The following PDZRN3 variants were observed in gnomAD, a reference collection of about 807,000 sequenced individuals.
The protein encoded by PDZRN3 is PDZ domain containing ring finger 3.
PDZRN3 carries 38 observed loss-of-function variants against 85.7 expected under a neutral mutation model. The observed-to-expected ratio is 0.44, with a 90% CI of 0.34 to 0.58. The LOEUF is 0.58. Among genes scored for constraint, PDZRN3 ranks in the 20% least tolerant of loss-of-function variants. The pLI is 0.01. For synonymous variants in PDZRN3, 759 were observed against 638.0 expected (o/e 1.19, Z -2.86); for missense variants, 1,629 against 1,506.4 (o/e 1.08, Z -1.35).
At chr3:73,390,876 C>G (rs960622330) in intron 6 of PDZRN3, 142 bp downstream of exon 6, 2 of 614,512 alleles carry the variant, frequency 3.3e-6, no homozygotes, top group Non-Finnish European at 5.8e-6. Flanking sequence ...GATGCAGCGC[C>G]ATGGAGTGTG....
At chr3:73,475,069 G>A (rs1293613376) in intron 3 of PDZRN3, among the ~76,000 whole-genome samples, 1 of 152,016 alleles carries the variant, frequency 6.6e-6, no homozygotes, top group African/African-American at 2.4e-5. Context: ...GAGTATCCAA[G>A]CATCTTCTTT....
chr3:73,444,295 G>A (rs1395733767), intron 3 of PDZRN3, among the ~76,000 whole-genome samples: 1 of 152,124 alleles, frequency 6.6e-6, no homozygotes, highest in African/African-American at 2.4e-5. Flanking sequence ...TAGCTCCCAG[G>A]TGCTCTGCCA....
chr3:73,506,512 C>T (rs1248149482), intron 3 of PDZRN3, among the ~76,000 whole-genome samples: 1 of 152,024 alleles, frequency 6.6e-6, no homozygotes, highest in African/African-American at 2.4e-5. Flanking sequence ...AAAATTCAAT[C>T]CAACTAGATA....
At chr3:73,487,798 C>A (rs930741145) in intron 3 of PDZRN3, among the ~76,000 whole-genome samples, 1 of 152,206 alleles carries the variant, frequency 6.6e-6, no homozygotes, top group African/African-American at 2.4e-5. Context: ...ACCTTTCCAG[C>A]AATTTCTTGC....
intron 3 of PDZRN3, among the ~76,000 whole-genome samples, chr3:73,593,094 T>TAA: frequency 6.8e-6 from 1 of 146,278 alleles, no homozygotes; most frequent in East Asian, 2.0e-4. Flanking sequence ...AAAACTTCCT[T>TAA]AAAAAAAAAA....
intron 3 of PDZRN3, among the ~76,000 whole-genome samples, chr3:73,515,075 T>C (rs1704232605): frequency 6.6e-6 from 1 of 151,680 alleles, no homozygotes; most frequent in South Asian, 2.1e-4. Context: ...GATTCATTGG[T>C]GGTATAGAAA....
intron 3 of PDZRN3, among the ~76,000 whole-genome samples, chr3:73,428,647 T>C (rs577847567): frequency 6.6e-6 from 1 of 152,278 alleles, no homozygotes; most frequent in South Asian, 2.1e-4. Flanking sequence ...TCCTTTATGG[T>C]CCTCTAAAGC....
chr3:73,407,657 G>A (rs1016952552), intron 3 of PDZRN3, among the ~76,000 whole-genome samples: 1 of 152,098 alleles, frequency 6.6e-6, no homozygotes, highest in Non-Finnish European at 1.5e-5. Flanking sequence ...TTATAGCAAG[G>A]TGATGGCAAC....
At chr3:73,542,755 C>A (rs1446934687) in intron 3 of PDZRN3, among the ~76,000 whole-genome samples, 1 of 151,818 alleles carries the variant, frequency 6.6e-6, no homozygotes, top group Non-Finnish European at 1.5e-5. Flanking sequence ...GCCTGGGCGA[C>A]AAGTGGGAAA....
At chr3:73,388,145 T>G in intron 7 of PDZRN3, 76 bp from the exon 8 acceptor site, 1 of 728,202 alleles carries the variant, frequency 1.4e-6, no homozygotes, top group Non-Finnish European at 2.3e-6. Context: ...TCATTCTATT[T>G]TATTTCAGAC....
chr3:73,406,319 A>G (rs1311233762), intron 3 of PDZRN3, among the ~76,000 whole-genome samples: 1 of 152,168 alleles, frequency 6.6e-6, no homozygotes, highest in African/African-American at 2.4e-5. Context: ...CCCTGCTTAG[A>G]CCCTAGAATG....
chr3:73,610,220 T>G (rs1471858026), intron 1 of PDZRN3, among the ~76,000 whole-genome samples: 1 of 152,184 alleles, frequency 6.6e-6, no homozygotes, highest in Non-Finnish European at 1.5e-5. Flanking sequence ...AACACAGCAT[T>G]CATTTCTTAA....
rs540063083 is a variant in PDZRN3 at position 73,426,194 on chromosome 3, G to A, written c.919-21799C>T. 9.2e-5 allele frequency among the ~76,000 whole-genome samples: 14 copies of A among 152,058 alleles called. No homozygotes were observed. In the South Asian group the frequency reaches 1.0e-3, roughly 11 times the overall value. ...ACACACATGCATATGTATACATTATGTATATAATGTATACATAATATTTAT... is the reference window on the plus strand; with the variant it reads ...ACACACATGCATATGTATACATTATATATATAATGTATACATAATATTTAT... On this transcript the variant is annotated intron_variant, in intron 3 of 9. Transcript: ENST00000263666.
chr3:73,398,895 A>G (rs1350007290), intron 5 of PDZRN3, among the ~76,000 whole-genome samples: 1 of 152,150 alleles, frequency 6.6e-6, no homozygotes, highest in African/African-American at 2.4e-5. Flanking sequence ...AAATAAAATT[A>G]CCGTAGTTTA....
intron 3 of PDZRN3, among the ~76,000 whole-genome samples, chr3:73,488,772 A>G (rs1175458527): frequency 3.3e-5 from 5 of 152,252 alleles, no homozygotes; most frequent in Non-Finnish European, 7.3e-5. Flanking sequence ...AAAATTCTAA[A>G]TAATTTTATC....
intron 3 of PDZRN3, among the ~76,000 whole-genome samples, chr3:73,488,899 T>G (rs1703716015): frequency 6.6e-6 from 1 of 152,230 alleles, no homozygotes; most frequent in Non-Finnish European, 1.5e-5. Context: ...ATTTCCATCC[T>G]TGGTGGGGCC....
At chr3:73,623,730 G>A (rs1207507146) in intron 1 of PDZRN3, 1 of 183,998 alleles carries the variant, frequency 5.4e-6, no homozygotes, top group African/African-American at 2.3e-5. Context: ...CCTCTAGAGG[G>A]TAAGCAACTT....
intron 3 of PDZRN3, among the ~76,000 whole-genome samples, chr3:73,580,022 T>C (rs1702176227): frequency 6.6e-6 from 1 of 152,170 alleles, no homozygotes; most frequent in Non-Finnish European, 1.5e-5. Context: ...ATTTCCATGT[T>C]ATTTGGTACC....
At chr3:73,490,616 A>C (rs2106658381) in intron 3 of PDZRN3, among the ~76,000 whole-genome samples, 1 of 152,314 alleles carries the variant, frequency 6.6e-6, no homozygotes, top group South Asian at 2.1e-4. Flanking sequence ...CAATGGCAAC[A>C]AAAATGGGGG....
Sources: gnomAD v4.1 joint callset for allele counts (sites outside exome capture counted in the v4.1 genomes callset) on GRCh38, gnomAD v4.1.1 for gene constraint, MANE v1.5 for transcripts, NCBI Gene and HGNC (gene_info 2026-07-23, HGNC 2026-07-21) for gene names.